The following CERKL variants were observed in gnomAD, a reference collection of about 807,000 sequenced individuals.
The protein encoded by CERKL is ceramide kinase-like protein.
A neutral mutation model predicts 63.4 loss-of-function variants in CERKL; 61 were observed. The ratio of observed to expected loss-of-function variants is 0.96; its 90% CI spans 0.78 to 1.19. The LOEUF is 1.19. Among genes scored for constraint, CERKL ranks in the 50% most tolerant of loss-of-function variants. CERKL has a pLI of 0.00. For synonymous variants in CERKL, 250 were observed against 230.5 expected (o/e 1.08, Z -0.77); for missense variants, 675 against 655.5 (o/e 1.03, Z -0.33).
At chr2:181,636,710 C>G (rs1381962854) in intron 1 of CERKL, among the ~76,000 whole-genome samples, 1 of 152,106 alleles carries the variant, frequency 6.6e-6, no homozygotes, top group African/African-American at 2.4e-5. Context: ...TTTCCTTGCT[C>G]CTTTGTCTGT....
intron 1 of CERKL, among the ~76,000 whole-genome samples, chr2:181,655,145 T>C (rs181610677): frequency 6.6e-6 from 1 of 151,746 alleles, no homozygotes; most frequent in African/African-American, 2.4e-5. Context: ...AAAGAATCAG[T>C]ACTTGCAACC....
chr2:181,591,297 G>A (rs1684980848), intron 2 of CERKL, among the ~76,000 whole-genome samples: 1 of 152,104 alleles, frequency 6.6e-6, no homozygotes, highest in Admixed American at 6.6e-5. Flanking sequence ...GAGAGATGAG[G>A]TGGAAATGAT....
chr2:181,627,460 G>A (rs1686761731), intron 1 of CERKL, among the ~76,000 whole-genome samples: 1 of 152,154 alleles, frequency 6.6e-6, no homozygotes, highest in African/African-American at 2.4e-5. Flanking sequence ...TGCTACTCTT[G>A]CTGTTCCTAG....
intron 1 of CERKL, among the ~76,000 whole-genome samples, chr2:181,641,440 C>G (rs1407141209): frequency 2.0e-5 from 3 of 151,174 alleles, no homozygotes; most frequent in Non-Finnish European, 2.9e-5. Context: ...CCTCCCATCT[C>G]AGCCTCCCAA....
intron 1 of CERKL, among the ~76,000 whole-genome samples, chr2:181,614,834 T>C (rs1559106859): frequency 6.6e-6 from 1 of 152,308 alleles, no homozygotes; most frequent in East Asian, 1.9e-4. Flanking sequence ...AAAACATACC[T>C]TTATTGGTAA....
chr2:181,629,628 A>G (rs1477452239), intron 1 of CERKL, among the ~76,000 whole-genome samples: 2 of 105,948 alleles, frequency 1.9e-5, no homozygotes, highest in African/African-American at 6.4e-5. Flanking sequence ...ATTAGTAGTC[A>G]TAGGCAAAAA....
intron 5 of CERKL, among the ~76,000 whole-genome samples, chr2:181,552,697 G>A (rs979747427): frequency 1.3e-5 from 2 of 152,184 alleles, no homozygotes; most frequent in South Asian, 4.2e-4. Context: ...TGTAAAATCA[G>A]TATGTGATCA....
chr2:181,567,945 A>C (rs979890393), intron 3 of CERKL, among the ~76,000 whole-genome samples: 12 of 152,184 alleles, frequency 7.9e-5, no homozygotes, highest in African/African-American at 2.9e-4. Context: ...TAATTTCAAA[A>C]AATGTAACCC....
Position 181,630,144 on chromosome 2 carries a change from G to A in CERKL, c.239-26065C>T, listed in dbSNP as rs977912648. Among the ~76,000 whole-genome samples, 6 of 152,088 alleles carry A rather than the reference G, an allele frequency of 3.9e-5. No individual in the cohort carries two copies. The East Asian group carries it at 1.2e-3, about 29-fold the overall frequency. ...CCTCCTGGGCTGTAGCAATCCTCCA[G>A]CCTCAGCCTCACCCTCTTGAGTAGG... On this transcript the variant is annotated intron_variant, in intron 1 of 12. Coordinates refer to ENST00000410087, the MANE Select transcript of CERKL (RefSeq NM_201548.5).
In CERKL at chr2:181,558,113, C is replaced by T. The variant is rs921791308; in HGVS notation, c.820+453G>A. Among the ~76,000 whole-genome samples, 5 of 152,102 alleles carry T rather than the reference C, an allele frequency of 3.3e-5. No individual in the cohort carries two copies. Among genetic ancestry groups the T allele is most frequent in the African/African-American group, 1.2e-4 (5 of 41,434 alleles). On this transcript the variant is annotated intron_variant, in intron 5 of 12. Coordinates refer to ENST00000410087, the MANE Select transcript of CERKL (RefSeq NM_201548.5). The surrounding 1 kb of genome is among the most constrained non-coding windows in gnomAD (Gnocchi z 4.2). ...CAGTCACAAGTAATTTTGGCATTCT[C>T]AAGGTTATCTGGTTATACATCAATT...
chr2:181,619,564 A>G (rs745509148), intron 1 of CERKL, among the ~76,000 whole-genome samples: 1 of 152,152 alleles, frequency 6.6e-6, no homozygotes, highest in East Asian at 1.9e-4. Flanking sequence ...GCTTCCAATA[A>G]AAGTTTTTTA....
intron 3 of CERKL, among the ~76,000 whole-genome samples, chr2:181,567,944 A>C (rs1688734732): frequency 6.6e-6 from 1 of 152,214 alleles, no homozygotes; most frequent in African/African-American, 2.4e-5. Context: ...GTAATTTCAA[A>C]AAATGTAACC....
At chr2:181,604,593 A>C (rs1685600234) in intron 1 of CERKL, among the ~76,000 whole-genome samples, 1 of 152,228 alleles carries the variant, frequency 6.6e-6, no homozygotes, top group Non-Finnish European at 1.5e-5. Context: ...GAACATAAAC[A>C]AAGCGACATT....
intron 1 of CERKL, among the ~76,000 whole-genome samples, chr2:181,643,697 CAT>C (rs1425506446): frequency 3.3e-5 from 5 of 152,338 alleles, no homozygotes; most frequent in East Asian, 3.9e-4. Flanking sequence ...GGAGGAGACA[CAT>C]GTTTCCAACA....
chr2:181,554,014 T>C (rs1208943567), intron 5 of CERKL, among the ~76,000 whole-genome samples: 1 of 152,128 alleles, frequency 6.6e-6, no homozygotes, highest in Non-Finnish European at 1.5e-5. Flanking sequence ...TTAATTAGCC[T>C]GAAAGTTATT....
chr2:181,537,438 TATCATGAATTTTAAAACCCTA>T lies in CERKL; in HGVS notation c.*725_*745del, dbSNP rs1296201302. ...TGTTATCAACTTACTTTGTTACTTGTATCATGAATTTTAAAACCCTACCACTTTAAGAAGACAGGGATGGGT... is the reference window on the plus strand; with the variant it reads ...TGTTATCAACTTACTTTGTTACTTGTCCACTTTAAGAAGACAGGGATGGGT... On this transcript the variant is annotated 3_prime_UTR_variant, in exon 13 of 13. Coordinates refer to ENST00000410087, the MANE Select transcript of CERKL (RefSeq NM_201548.5). The T allele has an allele frequency of 6.6e-6, 3 of 453,968 alleles. No individual in the cohort carries two copies. The East Asian group carries it at 2.1e-4, about 32-fold the overall frequency. The allele number at this position is 453,968 out of a possible 1,614,324, so 28.1% of individuals were successfully genotyped here.
In CERKL at chr2:181,656,981, C is replaced by G; in HGVS notation, c.26G>C (p.Arg9Pro). ...CCGGCCGCCCTCCAGGGCACTCACCCGGTTCCTGCGCCTCCTCCAGGGCAT... is the reference window on the plus strand; with the variant it reads ...CCGGCCGCCCTCCAGGGCACTCACCGGGTTCCTGCGCCTCCTCCAGGGCAT... MPWRRRRN[R>P]VSALEGGREE... The change falls in exon 1 of 13, where the codon CGG (arginine) becomes CCG (proline). Residue 9 changes from arginine to proline, a missense_variant. Arg to Pro is a moderately radical substitution (Grantham distance 103). Transcript: ENST00000410087. The G allele has an allele frequency of 1.3e-6, 2 of 1,581,042 alleles. No homozygotes were observed. Among genetic ancestry groups the G allele is most frequent in the East Asian group, 2.3e-5 (1 of 43,808 alleles).
At chr2:181,625,704 C>T (rs1427084901) in intron 1 of CERKL, among the ~76,000 whole-genome samples, 1 of 152,160 alleles carries the variant, frequency 6.6e-6, no homozygotes, top group Admixed American at 6.6e-5. Flanking sequence ...GAGGGAAATG[C>T]TTTCACTTTT....
chr2:181,537,747 A>AG lies in CERKL; in HGVS notation c.*436dup, dbSNP rs1491282004. 2.3e-6 allele frequency: 1 copy of AG among 442,910 alleles called. No homozygotes were observed. The highest frequency in any genetic ancestry group is 4.5e-6 in the Non-Finnish European group (1 of 221,250). 27.4% of individuals were successfully genotyped at this position (442,910 alleles called of 1,614,324 possible). On this transcript the variant is annotated 3_prime_UTR_variant, in exon 13 of 13. Transcript: ENST00000410087. ...GTCCAATAAACACATTGTAAAAAAAAGAATTTGAATTGATATCTAAAAACA... is the reference window on the plus strand; with the variant it reads ...GTCCAATAAACACATTGTAAAAAAAAGGAATTTGAATTGATATCTAAAAACA...
Sources: allele counts gnomAD v4.1 joint callset (sites outside exome capture counted in the v4.1 genomes callset), GRCh38; gene constraint gnomAD v4.1.1; non-coding constraint Gnocchi (gnomAD v3.1); transcripts MANE v1.5; gene names NCBI Gene and HGNC (gene_info 2026-07-23, HGNC 2026-07-21).